Variants in CXADR observed in about 807,000 individuals in gnomAD.
CXADR encodes CXADR cell adhesion molecule, also known as coxsackievirus and adenovirus receptor.
A neutral mutation model predicts 40.3 loss-of-function variants in CXADR; 20 were observed. The ratio of observed to expected loss-of-function variants is 0.50; its 90% CI spans 0.35 to 0.72. CXADR has a LOEUF of 0.72. CXADR is among the 30% of genes least tolerant of loss of function. The probability of loss-of-function intolerance (pLI) is 0.01; values close to 1 mark genes in which losing one functional copy is unlikely to be tolerated. For synonymous variants in CXADR, 150 were observed against 161.3 expected, an observed-to-expected ratio of 0.93 and a Z score of 0.53; for missense variants, 332 against 449.1, an observed-to-expected ratio of 0.74 and a Z score of 2.36.
chr21:17,532,847 C>T (rs2060695451), intron 1 of CXADR, among the ~76,000 whole-genome samples: 1 of 152,184 alleles, frequency 6.6e-6, no homozygotes, highest in South Asian at 2.1e-4. Flanking sequence ...TTTTAATCTT[C>T]ATTTTAGAGA....
At chr21:17,629,812 C>G in the CXADR span, among the ~76,000 whole-genome samples, 398 of 138,756 alleles carry the variant, frequency 2.9e-3, 6 homozygotes, top group Middle Eastern at 0.014. Context: ...GCGCTATAAA[C>G]AAACAAACAA....
chr21:17,570,678 A>G (rs75844395), downstream of CXADR, among the ~76,000 whole-genome samples: 1,069 of 152,332 alleles, frequency 7.0e-3, 70 homozygotes, highest in East Asian at 0.16. Flanking sequence ...AGATTTCAGC[A>G]TAATGGTGAG....
At chr21:17,517,836 A>C (rs1277209462) in intron 1 of CXADR, among the ~76,000 whole-genome samples, 2 of 152,150 alleles carry the variant, frequency 1.3e-5, no homozygotes, top group Non-Finnish European at 2.9e-5. Flanking sequence ...TGGAGACCAA[A>C]AGGAAAGGAA....
At chr21:17,524,614 G>A (rs1234284436) in intron 1 of CXADR, among the ~76,000 whole-genome samples, 1 of 147,562 alleles carries the variant, frequency 6.8e-6, no homozygotes, top group Non-Finnish European at 1.5e-5. Flanking sequence ...CCAGTTAGAG[G>A]CTGGGAGTGG....
intron 7 of CXADR, among the ~76,000 whole-genome samples, chr21:17,584,360 T>C (rs1296755159): frequency 6.6e-6 from 1 of 152,248 alleles, no homozygotes; most frequent in Non-Finnish European, 1.5e-5. Context: ...AACAGCGATG[T>C]GAAGATCATC....
rs969624615 is a variant in CXADR, at chr21:17,566,446, A to G, written c.*754A>G. The G allele has an allele frequency of 8.1e-6, 8 of 985,316 alleles. No individual in the cohort carries two copies. The African/African-American group carries it at 1.2e-4, about 15-fold the overall frequency. 61.0% of individuals were successfully genotyped at this position (985,316 alleles called of 1,614,324 possible). ...TTGAGATGACACTAGGTGCAATAGC[A>G]GGGATAGATTTTGTTGGTGAGTAGT... On this transcript the variant is annotated 3_prime_UTR_variant, in exon 7 of 7. Transcript: ENST00000284878.
intron 6 of CXADR, among the ~76,000 whole-genome samples, chr21:17,563,898 G>A (rs1315942460): frequency 3.3e-5 from 4 of 122,002 alleles, no homozygotes; most frequent in South Asian, 2.7e-4. Context: ...CTGAGATCAC[G>A]CCACTGCACT....
At chr21:17,551,096 A>G (rs1346382869) in intron 2 of CXADR, among the ~76,000 whole-genome samples, 2 of 151,230 alleles carry the variant, frequency 1.3e-5, no homozygotes, top group Non-Finnish European at 2.9e-5. Context: ...CAGTTGAAAA[A>G]TAGAGTATAT....
intron 7 of CXADR, among the ~76,000 whole-genome samples, chr21:17,584,502 A>G (rs28651039): frequency 0.012 from 1,851 of 152,224 alleles, 30 homozygotes; most frequent in African/African-American, 0.04. Context: ...ACATCTTACT[A>G]TTATTAAGGT....
chr21:17,583,580 T>C lies in CXADR; in HGVS notation c.1018-9572T>C, dbSNP rs564667982. On this transcript the variant is annotated intron_variant, in intron 7 of 7. Transcript: ENST00000400169. ...GCTACCATCTCATCCAAAATAGCCA[T>C]CAGATGATTTGGCCATGCTGACACA... is the stretch of plus-strand genomic sequence containing the variant. Among the ~76,000 whole-genome samples the C allele has an allele frequency of 4.2e-5, 6 of 143,618 alleles. No homozygotes were observed. In the South Asian group the frequency reaches 7.0e-4, roughly 17 times the overall value. The allele number at this position is 143,618 out of a possible 152,430, so 94.2% of individuals were successfully genotyped here. A position where few individuals can be genotyped will look rare whatever the true frequency, so the allele number is the denominator to read the frequency against.
At chr21:17,585,794 A>G (rs891317068) in intron 7 of CXADR, among the ~76,000 whole-genome samples, 3 of 152,230 alleles carry the variant, frequency 2.0e-5, no homozygotes, top group African/African-American at 7.2e-5. Flanking sequence ...CTGGGATTAC[A>G]GGCATGAGCC....
chr21:17,513,417 G>A (rs1342318563), intron 1 of CXADR, among the ~76,000 whole-genome samples: 2 of 152,084 alleles, frequency 1.3e-5, no homozygotes, highest in Non-Finnish European at 2.9e-5. Context: ...TCGGCGGGGG[G>A]TGGAGGCGGA....
At chr21:17,625,875 T>C in the CXADR span, among the ~76,000 whole-genome samples, 1 of 152,362 alleles carries the variant, frequency 6.6e-6, no homozygotes, top group African/African-American at 2.4e-5. Flanking sequence ...CTGTTCTTTT[T>C]TACTTAAGGT....
chr21:17,560,091 G>C (rs1177153047), intron 4 of CXADR, among the ~76,000 whole-genome samples: 1 of 152,020 alleles, frequency 6.6e-6, no homozygotes, highest in Non-Finnish European at 1.5e-5. Flanking sequence ...TTTACCCATG[G>C]TGTGTCTGTA....
intron 6 of CXADR, among the ~76,000 whole-genome samples, chr21:17,562,479 A>G (rs1253828203): frequency 6.6e-6 from 1 of 152,118 alleles, no homozygotes; most frequent in African/African-American, 2.4e-5. Flanking sequence ...AAGCCACCAC[A>G]CCTGACTAAT....
At chr21:17,525,666 T>C (rs1030838561) in intron 1 of CXADR, among the ~76,000 whole-genome samples, 1 of 152,236 alleles carries the variant, frequency 6.6e-6, no homozygotes, top group African/African-American at 2.4e-5. Flanking sequence ...TACTCAGTTG[T>C]ACAGTGGAAA....
chr21:17,535,385 A>G (rs549687965), intron 1 of CXADR, among the ~76,000 whole-genome samples: 1 of 151,834 alleles, frequency 6.6e-6, no homozygotes, highest in African/African-American at 2.4e-5. Context: ...TTTTGTAGGT[A>G]TGAATTCTCA....
chr21:17,561,157 A>G (rs1223493548), intron 5 of CXADR, among the ~76,000 whole-genome samples, 181 bp from the exon 6 acceptor site: 1 of 152,182 alleles, frequency 6.6e-6, no homozygotes, highest in Non-Finnish European at 1.5e-5. Flanking sequence ...AATGCTTGGA[A>G]TAGATTATAC....
chr21:17,596,866 T>C (rs867915403), downstream of CXADR, among the ~76,000 whole-genome samples: 4 of 152,222 alleles, frequency 2.6e-5, no homozygotes, highest in Non-Finnish European at 4.4e-5. Context: ...TTTTAAGATA[T>C]GAATAATTCT....
Sources: gnomAD v4.1 joint callset for allele counts (sites outside exome capture counted in the v4.1 genomes callset) on GRCh38, gnomAD v4.1.1 for gene constraint, MANE v1.5 for transcripts, NCBI Gene and HGNC (gene_info 2026-07-23, HGNC 2026-07-21) for gene names.